Variants in TNIK observed in about 807,000 individuals in gnomAD.
TNIK encodes TRAF2 and NCK interacting kinase, also known as TRAF2 and NCK-interacting protein kinase.
In TNIK, 49 loss-of-function variants were observed where a neutral mutation model predicts 191.3. That is an observed-to-expected ratio of 0.26 (90% CI 0.20 to 0.32). The LOEUF is 0.32. TNIK is among the 10% of genes least tolerant of loss of function. TNIK has a pLI of 1.00. For missense variants in TNIK, 1,155 were observed against 1,702.3 expected, an observed-to-expected ratio of 0.68 and a Z score of 5.66; for synonymous variants, 594 against 600.9, an observed-to-expected ratio of 0.99 and a Z score of 0.17.
intron 1 of TNIK, among the ~76,000 whole-genome samples, chr3:171,397,087 GA>G (rs1172163192): frequency 6.6e-6 from 1 of 152,186 alleles, no homozygotes; most frequent in Admixed American, 6.6e-5. Flanking sequence ...AGAGATTAAG[GA>G]GCAGAAGCTT....
intron 18 of TNIK, among the ~76,000 whole-genome samples, chr3:171,122,947 C>A (rs139053353): frequency 6.6e-6 from 1 of 152,312 alleles, no homozygotes. Context: ...CTACACCAAC[C>A]AGTGGAAGTG....
At chr3:171,454,269 A>G (rs1267197627) in intron 1 of TNIK, among the ~76,000 whole-genome samples, 1 of 152,192 alleles carries the variant, frequency 6.6e-6, no homozygotes, top group Non-Finnish European at 1.5e-5. Context: ...AACCACTATC[A>G]CTGAGAGAAG....
In TNIK at chr3:171,101,529, T is replaced by C. The variant is rs764618685; in HGVS notation, c.2511A>G (p.Glu837=). Reference sequence around the variant, plus strand: ...CATCTTCCTCCTCTTCCTCGCTACTTTCTGACTCCTCACTGGAGGAGGAGT... The same window carrying C: ...CATCTTCCTCCTCTTCCTCGCTACTCTCTGACTCCTCACTGGAGGAGGAGT... The part of the protein sequence containing the change: ...TDYSSSSEES[E]SSEEEEEDGE... Residue 837 remains glutamate (E), a synonymous_variant, in exon 22 of 33, where the codon GAA becomes GAG. Coordinates refer to ENST00000436636, the MANE Select transcript of TNIK (RefSeq NM_015028.4). 6.2e-7 allele frequency: 1 copy of C among 1,613,598 alleles called. No individual in the cohort carries two copies. Among genetic ancestry groups the C allele is most frequent in the East Asian group, 2.2e-5 (1 of 44,880 alleles).
intron 1 of TNIK, among the ~76,000 whole-genome samples, chr3:171,391,373 G>C (rs1313570357): frequency 6.6e-6 from 1 of 152,172 alleles, no homozygotes; most frequent in Non-Finnish European, 1.5e-5. Context: ...ATATAAAGCT[G>C]TCTACTCCCC....
intron 2 of TNIK, among the ~76,000 whole-genome samples, chr3:171,342,667 T>C (rs1340705852): frequency 1.3e-5 from 2 of 152,158 alleles, no homozygotes; most frequent in Admixed American, 1.3e-4. Context: ...CACATGAATC[T>C]ATATTGATAT....
intron 1 of TNIK, among the ~76,000 whole-genome samples, chr3:171,386,062 C>G (rs1168805118): frequency 6.6e-6 from 1 of 152,176 alleles, no homozygotes; most frequent in Admixed American, 6.5e-5. Context: ...AAAGCTGAAG[C>G]TGGGCTCCAT....
chr3:171,246,847 A>G (rs539622312), intron 2 of TNIK, among the ~76,000 whole-genome samples: 1 of 152,328 alleles, frequency 6.6e-6, no homozygotes, highest in East Asian at 1.9e-4. Context: ...GCAGATGGCC[A>G]AAAGTTCCAC....
At chr3:171,161,390 A>G in intron 10 of TNIK, 54 bp from the exon 11 acceptor site, 1 of 1,534,216 alleles carries the variant, frequency 6.5e-7, no homozygotes, top group African/African-American at 1.4e-5. Flanking sequence ...GGCTCAGTAA[A>G]GCCCAACCCC....
intron 3 of TNIK, among the ~76,000 whole-genome samples, chr3:171,219,154 T>C (rs1317279545): frequency 3.0e-5 from 2 of 66,902 alleles, no homozygotes; most frequent in Non-Finnish European, 5.9e-5. Context: ...TTATAAAATA[T>C]ATAATACATA....
At chr3:171,321,747 T>C (rs1366372106) in intron 2 of TNIK, among the ~76,000 whole-genome samples, 1 of 152,182 alleles carries the variant, frequency 6.6e-6, no homozygotes, top group Admixed American at 6.6e-5. Flanking sequence ...TGATAGAAAG[T>C]AGCGAGATAT....
intron 15 of TNIK, among the ~76,000 whole-genome samples, chr3:171,130,327 G>C (rs1230207416): frequency 6.6e-6 from 1 of 152,156 alleles, no homozygotes; most frequent in Non-Finnish European, 1.5e-5. Context: ...CCTGCCTCTA[G>C]TGAGGAGTAA....
At chr3:171,189,309 T>C (rs1737739616) in intron 6 of TNIK, among the ~76,000 whole-genome samples, 1 of 152,208 alleles carries the variant, frequency 6.6e-6, no homozygotes, top group Non-Finnish European at 1.5e-5. Context: ...CCACATTTTG[T>C]TTATCTGTTC....
In TNIK at chr3:171,460,359, A is replaced by G. The variant is rs967989860; in HGVS notation, c.-296T>C. 5 of 503,760 alleles carry G rather than the reference A, an allele frequency of 9.9e-6. No homozygotes were observed. The highest frequency in any genetic ancestry group is 1.8e-5 in the Non-Finnish European group (5 of 281,650). 31.2% of individuals were successfully genotyped at this position (503,760 alleles called of 1,614,324 possible). A position where few individuals can be genotyped will look rare whatever the true frequency, so the allele number is the denominator to read the frequency against. On this transcript the variant is annotated 5_prime_UTR_variant, in exon 1 of 33. Coordinates refer to ENST00000436636, the MANE Select transcript of TNIK (RefSeq NM_015028.4). The surrounding 1 kb of genome is among the most constrained non-coding windows in gnomAD (Gnocchi z 6.8). Reference sequence around the variant, plus strand: ...GGCTGCGTGGGTGTATTTAAATGGGACATGCTTCTTTGCTTGTGCGTGGAT... The same window carrying G: ...GGCTGCGTGGGTGTATTTAAATGGGGCATGCTTCTTTGCTTGTGCGTGGAT...
Position 171,264,022 on chromosome 3 carries a change from ATG to A in TNIK, c.124-35803_124-35802del, listed in dbSNP as rs200513470. Among the ~76,000 whole-genome samples the A allele has an allele frequency of 9.9e-4, 144 of 145,116 alleles. 3 individuals carry two copies. In the East Asian group the frequency reaches 0.026, roughly 26 times the overall value. On this transcript the variant is annotated intron_variant, in intron 2 of 32. Transcript: ENST00000436636. ...TTGTGAGATTTTATTTTATATATGT[ATG>A]TGTGTGTGTGTGTATATATATGTGT...
In TNIK at chr3:171,060,634, T is replaced by C. The variant is rs1717728839; in HGVS notation, c.*3247A>G. Among the ~76,000 whole-genome samples, 1 of 152,184 alleles carries C rather than the reference T, an allele frequency of 6.6e-6. No homozygotes were observed. Among genetic ancestry groups the C allele is most frequent in the Admixed American group, 6.5e-5 (1 of 15,280 alleles). On this transcript the variant is annotated 3_prime_UTR_variant, in exon 33 of 33. Coordinates refer to ENST00000436636, the MANE Select transcript of TNIK (RefSeq NM_015028.4). ...GAGCTGTTCAATTTTATGTGGAACT[T>C]AGTGAAGGCTGTCTTCATTTGCATT...
At chr3:171,302,066 C>T (rs1461871764) in intron 2 of TNIK, among the ~76,000 whole-genome samples, 1 of 152,092 alleles carries the variant, frequency 6.6e-6, no homozygotes, top group Non-Finnish European at 1.5e-5. Flanking sequence ...ATTACTCTCA[C>T]AATTCTTCTG....
At position 171,282,347 on chromosome 3, in the gene TNIK, T is replaced by TG. The variant is rs202190927; in HGVS notation, c.124-54127_124-54126insC. On this transcript the variant is annotated intron_variant, in intron 2 of 32. Coordinates refer to ENST00000436636, the MANE Select transcript of TNIK (RefSeq NM_015028.4). ...ATTCTCTTAATGGTTTTTTGTTTTT[T>TG]TTTTTTTTTTTGAGATGGAGTTTCG... Among the ~76,000 whole-genome samples the TG allele has an allele frequency of 7.0e-3, 1,005 of 144,098 alleles. 22 individuals carry two copies. Among genetic ancestry groups the TG allele is most frequent in the African/African-American group, 0.025 (960 of 38,790 alleles). 94.5% of individuals were successfully genotyped at this position (144,098 alleles called of 152,430 possible).
At chr3:171,252,159 C>T (rs1233785732) in intron 2 of TNIK, among the ~76,000 whole-genome samples, 2 of 152,058 alleles carry the variant, frequency 1.3e-5, no homozygotes, top group African/African-American at 4.8e-5. Context: ...TTCCCCTCCC[C>T]TATAAATACA....
rs73879560 is a variant in TNIK, at chr3:171,428,716, G to A, written c.57+31291C>T. 9.6e-3 allele frequency among the ~76,000 whole-genome samples: 1,295 copies of A among 134,612 alleles called. 19 individuals carry two copies. Among genetic ancestry groups the A allele is most frequent in the African/African-American group, 0.03 (1,220 of 40,420 alleles). The allele number at this position is 134,612 out of a possible 152,430, so 88.3% of individuals were successfully genotyped here. Reference sequence around the variant, plus strand: ...TCCAGGCCAGTAGCTGCAATTCTGTGCTGCAGCATTTGGCACTGCCCATTA... The same window carrying A: ...TCCAGGCCAGTAGCTGCAATTCTGTACTGCAGCATTTGGCACTGCCCATTA... On this transcript the variant is annotated intron_variant, in intron 1 of 32. Transcript: ENST00000436636.
Sources: allele counts gnomAD v4.1 joint callset (sites outside exome capture counted in the v4.1 genomes callset), GRCh38; gene constraint gnomAD v4.1.1; non-coding constraint Gnocchi (gnomAD v3.1); transcripts MANE v1.5; gene names NCBI Gene and HGNC (gene_info 2026-07-23, HGNC 2026-07-21).